KDM3A: variants seen among roughly 807,000 people sequenced by gnomAD.
KDM3A encodes the protein lysine demethylase 3A, also known as lysine-specific demethylase 3A.
KDM3A carries 60 observed loss-of-function variants against 158.0 expected under a neutral mutation model. The ratio of observed to expected loss-of-function variants is 0.38; its 90% CI spans 0.31 to 0.47. The LOEUF (loss-of-function observed/expected upper bound fraction) is 0.47. Among genes scored for constraint, KDM3A ranks in the 20% least tolerant of loss-of-function variants. The pLI is 0.99. For synonymous variants in KDM3A, 608 were observed against 549.3 expected (o/e 1.11, Z -1.49); for missense variants, 1,319 against 1,574.3 (o/e 0.84, Z 2.74).
At chr2:86,479,115 T>C (rs980825338) in intron 15 of KDM3A, 7 of 156,646 alleles carry the variant, frequency 4.5e-5, no homozygotes, top group Admixed American at 6.4e-5. Flanking sequence ...TTACTAAATA[T>C]ATTTTGCCTG....
At chr2:86,471,211 A>G (rs917960761) in intron 11 of KDM3A, among the ~76,000 whole-genome samples, 3 of 150,176 alleles carry the variant, frequency 2.0e-5, no homozygotes, top group Admixed American at 1.3e-4. Context: ...CAAAATTTTC[A>G]TATATATATA....
chr2:86,456,495 A>G lies in KDM3A; in HGVS notation c.610A>G (p.Thr204Ala). 1 of 1,598,234 alleles carries G rather than the reference A, an allele frequency of 6.3e-7. No homozygotes were observed. The highest frequency in any genetic ancestry group is 8.5e-7 in the Non-Finnish European group (1 of 1,172,584). Reference sequence around the variant, plus strand: ...AAAAATTTATAGCTTGGACCCATCTACTCAGTGGTTTTCAGCAACCGTTAT... The same window carrying G: ...AAAAATTTATAGCTTGGACCCATCTGCTCAGTGGTTTTCAGCAACCGTTAT... ...EVKIYSLDPS[T>A]QWFSATVING... The change falls in exon 6 of 26, where the codon ACT becomes GCT. Residue 204 changes from threonine (T) to alanine (A), a missense_variant. Physicochemically the swap from Thr to Ala is moderately conservative, Grantham distance 58 (BLOSUM62 0). Coordinates refer to ENST00000312912, the MANE Select transcript of KDM3A (RefSeq NM_018433.6).
In KDM3A at chr2:86,442,145, G is replaced by A; in HGVS notation, c.98G>A (p.Trp33Ter). The A allele has an allele frequency of 1.2e-6, 2 of 1,614,142 alleles. No individual in the cohort carries two copies. The highest frequency in any genetic ancestry group is 1.7e-6 in the Non-Finnish European group (2 of 1,180,026). ...GGCAGCGATGGCAGCCACGACAGCT[G>A]GGACGTGGAGCGCGTCGCCGAGTGG... Reference protein sequence around the residue: ...ADGSDGSHDSWDVERVAEWPW... With the variant: ...ADGSDGSHDS The change falls in exon 2 of 26, where the codon TGG (tryptophan) becomes TAG (stop). Residue 33 changes from tryptophan (W) to a stop codon, truncating the protein, a stop_gained. Transcript: ENST00000312912. LOFTEE classifies it high-confidence loss of function.
Position 86,464,020 on chromosome 2 carries a change from C to G in KDM3A, c.844-33C>G. On this transcript the variant is annotated intron_variant, in intron 8 of 25. Transcript: ENST00000312912. Reference sequence around the variant, plus strand: ...TTTATTATTTCCTAACTAGGGACTTCCTTTTAATATCTGTTGGTTTGGTAT... The same window carrying G: ...TTTATTATTTCCTAACTAGGGACTTGCTTTTAATATCTGTTGGTTTGGTAT... 2.7e-6 allele frequency: 4 copies of G among 1,458,084 alleles called. No individual in the cohort carries two copies. The South Asian group carries it at 5.6e-5, about 20-fold the overall frequency. 90.3% of individuals were successfully genotyped at this position (1,458,084 alleles called of 1,614,324 possible).
intron 2 of KDM3A, 123 bp downstream of exon 2, chr2:86,442,356 T>G: frequency 1.1e-6 from 1 of 890,998 alleles, no homozygotes; most frequent in Non-Finnish European, 1.7e-6. Flanking sequence ...GATCTGAAGG[T>G]GCAGGAAGCT....
intron 18 of KDM3A, 171 bp downstream of exon 18, chr2:86,482,865 T>C (rs1259001858): frequency 3.1e-6 from 2 of 647,372 alleles, no homozygotes; most frequent in Non-Finnish European, 5.3e-6. Context: ...GTCTTACTTT[T>C]TAAAGCAGAT....
intron 20 of KDM3A, 53 bp from the exon 21 acceptor site, chr2:86,485,676 A>G: frequency 6.2e-7 from 1 of 1,601,136 alleles, no homozygotes; most frequent in Admixed American, 1.7e-5. Context: ...GTTACACAAT[A>G]ATGAATTAGA....
rs368070515 is a variant in KDM3A at position 86,480,309 on chromosome 2, C to A, written c.2459C>A (p.Pro820His). ...CCTGCCTGTCCAGCCAGCACATCTC[C>A]TCTAAACTGGCTGGCCGACCTAACC... ...MKPACPASTS[P>H]LNWLADLTSG... The change falls in exon 16 of 26, where the codon CCT (proline) becomes CAT (histidine). Residue 820 changes from proline (P) to histidine (H), a missense_variant. Physicochemically the swap from Pro to His is moderately conservative, Grantham distance 77. Coordinates refer to ENST00000312912, the MANE Select transcript of KDM3A (RefSeq NM_018433.6). 6.2e-7 allele frequency: 1 copy of A among 1,614,104 alleles called. No homozygotes were observed. Among genetic ancestry groups the A allele is most frequent in the Non-Finnish European group, 8.5e-7 (1 of 1,180,000 alleles).
At chr2:86,472,855 A>G (rs901687028) in intron 11 of KDM3A, among the ~76,000 whole-genome samples, 30 of 152,254 alleles carry the variant, frequency 2.0e-4, no homozygotes, top group African/African-American at 7.0e-4. Context: ...TAATTAGTCT[A>G]TTGCCACCCT....
At chr2:86,484,462 C>A (rs1362248639) in intron 19 of KDM3A, among the ~76,000 whole-genome samples, 1 of 152,150 alleles carries the variant, frequency 6.6e-6, no homozygotes, top group Non-Finnish European at 1.5e-5. Flanking sequence ...TTACTAAACA[C>A]CTGTGACCCT....
At chr2:86,471,327 ATGTGTG>A (rs936449788) in intron 11 of KDM3A, among the ~76,000 whole-genome samples, 8 of 151,212 alleles carry the variant, frequency 5.3e-5, no homozygotes, top group Non-Finnish European at 1.0e-4. Flanking sequence ...GTATATGTGT[ATGTGTG>A]TATATATGTA....
rs143632983 is a variant in KDM3A at position 86,460,392 on chromosome 2, G to C, written c.843+3321G>C. 1.4e-3 allele frequency among the ~76,000 whole-genome samples: 215 copies of C among 152,278 alleles called. 1 individual carries two copies. Among genetic ancestry groups the C allele is most frequent in the Middle Eastern group, 6.8e-3 (2 of 294 alleles). On this transcript the variant is annotated intron_variant, in intron 8 of 25. Coordinates refer to ENST00000312912, the MANE Select transcript of KDM3A (RefSeq NM_018433.6). ...CCTGGCCTAGATTTCAGGAGGGCTG[G>C]AGAGATAAAGGGAGCAGTGGGGAAA...
At chr2:86,451,238 C>A in intron 4 of KDM3A, 25 bp downstream of exon 4, 2 of 1,418,458 alleles carry the variant, frequency 1.4e-6, no homozygotes, top group Non-Finnish European at 1.9e-6. Flanking sequence ...CAGTAGTAAA[C>A]ATTAGAAACA....
chr2:86,472,379 A>G (rs1265030008), intron 11 of KDM3A, among the ~76,000 whole-genome samples: 2 of 152,068 alleles, frequency 1.3e-5, no homozygotes, highest in African/African-American at 4.8e-5. Context: ...GTGAAGATTG[A>G]GGCTGTCATT....
chr2:86,486,670 G>A (rs1334795362), intron 21 of KDM3A, among the ~76,000 whole-genome samples: 1 of 152,164 alleles, frequency 6.6e-6, no homozygotes, highest in Non-Finnish European at 1.5e-5. Context: ...ACCTGTGGGT[G>A]TCTTTCTCAA....
intron 15 of KDM3A, chr2:86,479,656 C>G (rs534303618): frequency 1.3e-5 from 2 of 152,588 alleles, no homozygotes; most frequent in African/African-American, 4.8e-5. Context: ...TCTTCTACAG[C>G]AGTCATCTTA....
At chr2:86,470,485 C>A in intron 11 of KDM3A, 77 bp downstream of exon 11, 1 of 1,198,932 alleles carries the variant, frequency 8.3e-7, no homozygotes, top group Non-Finnish European at 1.2e-6. Context: ...TTTTGTTACT[C>A]TTTTATCAAC....
At chr2:86,437,422 T>C (rs1682509744), upstream of KDM3A, among the ~76,000 whole-genome samples, 1 of 152,194 alleles carries the variant, frequency 6.6e-6, no homozygotes, top group African/African-American at 2.4e-5. Flanking sequence ...ATTACAGGCA[T>C]AAGTCACTGC....
intron 4 of KDM3A, among the ~76,000 whole-genome samples, chr2:86,453,667 A>G (rs1208473511): frequency 2.0e-5 from 3 of 152,220 alleles, no homozygotes; most frequent in Non-Finnish European, 4.4e-5. Flanking sequence ...TTGAAATTGC[A>G]TAAACAATAC....
Sources: gnomAD v4.1 joint callset for allele counts (sites outside exome capture counted in the v4.1 genomes callset) on GRCh38, gnomAD v4.1.1 for gene constraint, MANE v1.5 for transcripts, NCBI Gene and HGNC (gene_info 2026-07-23, HGNC 2026-07-21) for gene names.